The following TSC2 variants were observed in gnomAD, a reference collection of about 807,000 sequenced individuals.
TSC2 encodes TSC complex subunit 2, also known as tuberin.
A neutral mutation model predicts 202.2 loss-of-function variants in TSC2; 29 were observed. The observed-to-expected ratio is 0.14, with a 90% CI of 0.11 to 0.20. TSC2 has a LOEUF of 0.20. TSC2 is among the 10% of genes least tolerant of loss of function. The pLI is 1.00. For synonymous variants in TSC2, 1,349 were observed against 1,044.0 expected (o/e 1.29, Z -5.63); for missense variants, 2,429 against 2,420.0 (o/e 1.00, Z -0.08).
chr16:2,052,880 T>G (rs2085302738), intron 3 of TSC2, among the ~76,000 whole-genome samples: 1 of 152,066 alleles, frequency 6.6e-6, no homozygotes, highest in Non-Finnish European at 1.5e-5. Context: ...GGCAGGGGCA[T>G]GGGGTCGAGG....
intron 25 of TSC2, among the ~76,000 whole-genome samples, chr16:2,077,192 CT>C (rs2089511775): frequency 6.6e-6 from 1 of 152,194 alleles, no homozygotes; most frequent in Non-Finnish European, 1.5e-5. Context: ...TCCTAGTGAC[CT>C]TCAGGGCCTG....
chr16:2,058,713 G>A (rs1364266249), intron 9 of TSC2, 34 bp from the exon 10 acceptor site: 2 of 1,561,330 alleles, frequency 1.3e-6, no homozygotes, highest in African/African-American at 2.7e-5. Flanking sequence ...ACAGGGCCCT[G>A]CTCACATTCC....
At chr16:2,072,421 A>G in intron 20 of TSC2, 58 bp downstream of exon 20, 1 of 1,607,734 alleles carries the variant, frequency 6.2e-7, no homozygotes, top group Non-Finnish European at 8.5e-7. Context: ...TCCCCAAAAG[A>G]CTGCGAGCCT....
Position 2,084,214 on chromosome 16 carries a change from A to G in TSC2, c.4006-14A>G, listed in dbSNP as rs1350511311. The G allele has an allele frequency of 6.4e-6, 10 of 1,570,452 alleles. No homozygotes were observed. The highest frequency in any genetic ancestry group is 7.8e-6 in the Non-Finnish European group (9 of 1,156,888). ...CCTGCTGACAGGGGTTCTCTTTGGGATGGTCCTTTCTAGTCGTCCTCAGTC... is the reference window on the plus strand; with the variant it reads ...CCTGCTGACAGGGGTTCTCTTTGGGGTGGTCCTTTCTAGTCGTCCTCAGTC... On this transcript the variant is annotated splice_polypyrimidine_tract_variant and intron_variant, in intron 33 of 41. Transcript: ENST00000219476.
chr16:2,078,831 C>T, intron 26 of TSC2: 1 of 666,962 alleles, frequency 1.5e-6, no homozygotes, highest in Non-Finnish European at 2.6e-6. Flanking sequence ...CTGGTCTTCC[C>T]CACCCAGCGT....
At chr16:2,078,627 A>G (rs2089721695) in intron 26 of TSC2, 2 of 319,714 alleles carry the variant, frequency 6.3e-6, no homozygotes, top group African/African-American at 2.2e-5. Flanking sequence ...GGAAGGCCAC[A>G]TGGGGATCCC....
At chr16:2,085,173 G>C in intron 35 of TSC2, 57 bp from the exon 36 acceptor site, 2 of 1,609,450 alleles carry the variant, frequency 1.2e-6, no homozygotes, top group Admixed American at 1.7e-5. Context: ...CGGCCTGGGT[G>C]GGGCGGCCTC....
intron 16 of TSC2, among the ~76,000 whole-genome samples, chr16:2,068,120 A>T (rs540180487): frequency 6.6e-6 from 1 of 152,044 alleles, no homozygotes; most frequent in East Asian, 1.9e-4. Context: ...CCTCACTGCA[A>T]CCTCCGCCTC....
At position 2,088,865 on chromosome 16, in the gene TSC2, T is replaced by C; in HGVS notation, c.*255T>C. On this transcript the variant is annotated 3_prime_UTR_variant, in exon 42 of 42. Coordinates refer to ENST00000219476, the MANE Select transcript of TSC2 (RefSeq NM_000548.5). Reference sequence around the variant, plus strand: ...AGGCTGCCTGGGCCATACAGCACACTCGCGCGTGCGCGCGCGCACACACAC... The same window carrying C: ...AGGCTGCCTGGGCCATACAGCACACCCGCGCGTGCGCGCGCGCACACACAC... 1.9e-6 allele frequency: 1 copy of C among 526,582 alleles called. No homozygotes were observed. Among genetic ancestry groups the C allele is most frequent in the Non-Finnish European group, 3.3e-6 (1 of 300,666 alleles). 32.6% of individuals were successfully genotyped at this position (526,582 alleles called of 1,614,324 possible). A position where few individuals can be genotyped will look rare whatever the true frequency, so the allele number is the denominator to read the frequency against.
Position 2,088,658 on chromosome 16 carries a change from A to C in TSC2, c.*48A>C. The C allele has an allele frequency of 6.4e-7, 1 of 1,566,170 alleles. No individual in the cohort carries two copies. The highest frequency in any genetic ancestry group is 8.6e-7 in the Non-Finnish European group (1 of 1,163,098). On this transcript the variant is annotated 3_prime_UTR_variant, in exon 42 of 42. Transcript: ENST00000219476. ...CTGGCCTTGGACGGTATTGCCTGTC[A>C]GTGAAATAAATAAAGTCCTGACCCC...
chr16:2,077,090 A>C (rs944924938), intron 25 of TSC2, among the ~76,000 whole-genome samples: 33 of 152,334 alleles, frequency 2.2e-4, no homozygotes, highest in Admixed American at 8.5e-4. Flanking sequence ...GCGTGACCTC[A>C]ACTCGGAAGC....
chr16:2,083,845 C>G (rs750498683), intron 33 of TSC2, 29 bp downstream of exon 33: 14 of 1,601,688 alleles, frequency 8.7e-6, no homozygotes, highest in Non-Finnish European at 1.2e-5. Flanking sequence ...CTGGACCCTG[C>G]TGACCTCGGG....
chr16:2,088,669 T>TAA lies in TSC2; in HGVS notation c.*61_*62dup, dbSNP rs36032671. On this transcript the variant is annotated 3_prime_UTR_variant, in exon 42 of 42. Transcript: ENST00000219476. ...CGGTATTGCCTGTCAGTGAAATAAATAAAGTCCTGACCCCAGTGCACAGAC... is the reference window on the plus strand; with the variant it reads ...CGGTATTGCCTGTCAGTGAAATAAATAAAAAGTCCTGACCCCAGTGCACAGAC... 6.5e-5 allele frequency: 100 copies of TAA among 1,548,392 alleles called. No individual in the cohort carries two copies. Among genetic ancestry groups the TAA allele is most frequent in the Admixed American group, 4.7e-4 (25 of 52,762 alleles).
intron 12 of TSC2, among the ~76,000 whole-genome samples, chr16:2,062,247 G>C (rs965668719): frequency 6.6e-6 from 1 of 152,244 alleles, no homozygotes; most frequent in Admixed American, 6.5e-5. Context: ...ATCCGGCTCT[G>C]TAGAGTCCTG....
In TSC2 at chr16:2,074,583, A is replaced by G. The variant is rs7185909; in HGVS notation, c.2545+194A>G. ...CTGGCTTTGAGGGGCGGCTCCTCTC[A>G]CCCCTCTAGTGTCCATGTGAACGCT... is the stretch of plus-strand genomic sequence containing the variant. On this transcript the variant is annotated intron_variant, in intron 22 of 41. Coordinates refer to ENST00000219476, the MANE Select transcript of TSC2 (RefSeq NM_000548.5). 6,876 of 678,284 alleles carry G rather than the reference A, an allele frequency of 0.01. 325 individuals are homozygous for G. The African/African-American group carries it at 0.1, about 10-fold the overall frequency. The allele number at this position is 678,284 out of a possible 1,614,324, so 42.0% of individuals were successfully genotyped here.
At chr16:2,050,980 C>T (rs982384205) in intron 3 of TSC2, among the ~76,000 whole-genome samples, 4 of 152,222 alleles carry the variant, frequency 2.6e-5, no homozygotes, top group East Asian at 1.9e-4. Context: ...ACCAATCAAG[C>T]GTGGAAATGG....
At chr16:2,078,006 C>T (rs2089647428) in intron 26 of TSC2, among the ~76,000 whole-genome samples, 1 of 152,206 alleles carries the variant, frequency 6.6e-6, no homozygotes, top group Admixed American at 6.5e-5. Flanking sequence ...CCCCAAGGGC[C>T]GCAGTGTGGG....
At chr16:2,062,389 T>A (rs2086745412) in intron 12 of TSC2, 108 bp from the exon 13 acceptor site, 1 of 1,067,918 alleles carries the variant, frequency 9.4e-7, no homozygotes, top group African/African-American at 1.6e-5. Flanking sequence ...CTGCAGGCTG[T>A]GAGGCGGCTG....
intron 30 of TSC2, chr16:2,080,771 A>C (rs567734808): frequency 6.2e-4 from 148 of 238,240 alleles, no homozygotes; most frequent in African/African-American, 2.8e-3. Context: ...GGCGTGAGCC[A>C]CCGCGCCCAG....
Sources: gnomAD v4.1 joint callset for allele counts (sites outside exome capture counted in the v4.1 genomes callset) on GRCh38, gnomAD v4.1.1 for gene constraint, MANE v1.5 for transcripts, NCBI Gene and HGNC (gene_info 2026-07-23, HGNC 2026-07-21) for gene names.